Variants in SHB observed in about 807,000 individuals in gnomAD.
SHB encodes SH2 domain-containing adapter protein B.
In SHB, 20 loss-of-function variants were observed where a neutral mutation model predicts 52.3. That is an observed-to-expected ratio of 0.38 (90% CI 0.27 to 0.56). The LOEUF is 0.56. Ranked by LOEUF, SHB falls within the 20% of genes least tolerant of loss-of-function variation. The pLI is 0.71. For synonymous variants in SHB, 397 were observed against 316.5 expected (o/e 1.25, Z -2.70); for missense variants, 825 against 723.3 (o/e 1.14, Z -1.61).
intron 1 of SHB, among the ~76,000 whole-genome samples, chr9:38,019,144 G>A (rs887973534): frequency 1.3e-5 from 2 of 152,194 alleles, no homozygotes; most frequent in African/African-American, 2.4e-5. Flanking sequence ...AGAAAAAAAG[G>A]CTGTAGAGTG....
At chr9:37,949,098 T>G (rs957199856) in intron 4 of SHB, among the ~76,000 whole-genome samples, 1 of 151,990 alleles carries the variant, frequency 6.6e-6, no homozygotes, top group African/African-American at 2.4e-5. Flanking sequence ...TCAGGCAGGG[T>G]GGCCAGGGAA....
At chr9:38,044,290 A>T (rs1227439918) in intron 1 of SHB, among the ~76,000 whole-genome samples, 2 of 152,358 alleles carry the variant, frequency 1.3e-5, no homozygotes, top group Non-Finnish European at 2.9e-5. Flanking sequence ...TGTGGGCCAA[A>T]GGCTCAATTA....
At chr9:37,928,697 G>A (rs1832278283) in intron 5 of SHB, among the ~76,000 whole-genome samples, 1 of 152,246 alleles carries the variant, frequency 6.6e-6, no homozygotes, top group South Asian at 2.1e-4. Context: ...CTGCTGTGGT[G>A]AGGGGCAGAT....
chr9:38,014,159 G>A (rs537322680), intron 2 of SHB, among the ~76,000 whole-genome samples: 6 of 148,876 alleles, frequency 4.0e-5, no homozygotes, highest in Non-Finnish European at 7.4e-5. Context: ...TGTCCCCCCC[G>A]CCCCAACCTC....
intron 3 of SHB, among the ~76,000 whole-genome samples, chr9:37,959,306 A>T (rs1052902549): frequency 3.3e-5 from 5 of 152,094 alleles, no homozygotes; most frequent in Admixed American, 6.5e-5. Flanking sequence ...ACTAGCCTGC[A>T]CTTCTCCATG....
chr9:37,987,659 C>T (rs1199552530), intron 2 of SHB, among the ~76,000 whole-genome samples: 1 of 152,220 alleles, frequency 6.6e-6, no homozygotes, highest in Non-Finnish European at 1.5e-5. Context: ...GCTCCCTGCC[C>T]TCTAGCCCTG....
intron 1 of SHB, among the ~76,000 whole-genome samples, 160 bp downstream of exon 1, chr9:38,067,769 G>A (rs1587273616): frequency 6.6e-6 from 1 of 152,306 alleles, no homozygotes; most frequent in East Asian, 1.9e-4. Flanking sequence ...CAGGAAAAGG[G>A]CGCGGGAGGA....
intron 1 of SHB, among the ~76,000 whole-genome samples, chr9:38,017,137 T>A (rs1821223553): frequency 6.6e-6 from 1 of 152,210 alleles, no homozygotes; most frequent in Admixed American, 6.5e-5. Context: ...ACCCACCGAA[T>A]CCACGCCCCT....
intron 2 of SHB, among the ~76,000 whole-genome samples, chr9:38,003,981 G>GAA (rs1821050062): frequency 6.6e-6 from 1 of 152,090 alleles, no homozygotes; most frequent in African/African-American, 2.4e-5. Flanking sequence ...GAGCTGGCCC[G>GAA]GGGGATCTAT....
chr9:37,964,403 T>C (rs1832726352), intron 3 of SHB, among the ~76,000 whole-genome samples: 1 of 151,896 alleles, frequency 6.6e-6, no homozygotes, highest in Non-Finnish European at 1.5e-5. Flanking sequence ...ATTTGTGACA[T>C]CCCCAGAGGA....
intron 1 of SHB, among the ~76,000 whole-genome samples, chr9:38,042,085 C>T (rs933734064): frequency 6.6e-6 from 1 of 152,204 alleles, no homozygotes. Context: ...GCCCAGAAGG[C>T]ATCAAGGTTT....
intron 1 of SHB, among the ~76,000 whole-genome samples, chr9:38,043,589 C>T (rs1821608144): frequency 6.6e-6 from 1 of 152,132 alleles, no homozygotes; most frequent in African/African-American, 2.4e-5. Context: ...CTTCCCCTGC[C>T]ATAGAAATCA....
chr9:38,046,009 C>A (rs961794980), intron 1 of SHB, among the ~76,000 whole-genome samples: 2 of 152,076 alleles, frequency 1.3e-5, no homozygotes, highest in South Asian at 4.2e-4. Flanking sequence ...GGCGGATCAC[C>A]TGAGGTCAGG....
chr9:38,044,283 G>A (rs867471706), intron 1 of SHB, among the ~76,000 whole-genome samples: 27 of 152,236 alleles, frequency 1.8e-4, no homozygotes, highest in Admixed American at 7.8e-4. Flanking sequence ...CACTGCCTGT[G>A]GGCCAAAGGC....
intron 5 of SHB, among the ~76,000 whole-genome samples, chr9:37,925,300 G>A (rs1184016814): frequency 1.3e-5 from 2 of 152,242 alleles, no homozygotes; most frequent in African/African-American, 4.8e-5. Context: ...CTCTGAGGCT[G>A]GATACAGTGG....
At chr9:37,965,576 C>CTTTTT (rs71990074) in intron 3 of SHB, among the ~76,000 whole-genome samples, 5 of 141,418 alleles carry the variant, frequency 3.5e-5, no homozygotes, top group African/African-American at 1.3e-4. Context: ...ACTCAAATAT[C>CTTTTT]TTTTTTTTTT....
chr9:37,953,092 A>C (rs1035399813), intron 4 of SHB, among the ~76,000 whole-genome samples: 5 of 151,958 alleles, frequency 3.3e-5, no homozygotes, highest in African/African-American at 1.2e-4. Context: ...GTGGCCAGGG[A>C]GGCAGGAGGA....
At chr9:38,027,337 T>C (rs761037548) in intron 1 of SHB, among the ~76,000 whole-genome samples, 2 of 152,168 alleles carry the variant, frequency 1.3e-5, no homozygotes, top group East Asian at 1.9e-4. Flanking sequence ...CCTTCTGCGG[T>C]GCAGGAGAAG....
At chr9:38,018,366 C>G (rs1821242858) in intron 1 of SHB, among the ~76,000 whole-genome samples, 1 of 152,152 alleles carries the variant, frequency 6.6e-6, no homozygotes, top group Non-Finnish European at 1.5e-5. Context: ...TGAGCTCAGG[C>G]TGTCATGGAG....
Sources: gnomAD v4.1 joint callset for allele counts (sites outside exome capture counted in the v4.1 genomes callset) on GRCh38, gnomAD v4.1.1 for gene constraint, MANE v1.5 for transcripts, NCBI Gene and HGNC (gene_info 2026-07-23, HGNC 2026-07-21) for gene names.